The following FRMD4B variants were observed in gnomAD, a reference collection of about 807,000 sequenced individuals.
FRMD4B encodes FERM domain containing 4B, also known as FERM domain-containing protein 4B.
FRMD4B carries 74 observed loss-of-function variants against 141.5 expected under a neutral mutation model. That is an observed-to-expected ratio of 0.52 (90% CI 0.43 to 0.63). The LOEUF is 0.63. Ranked by LOEUF, FRMD4B falls within the 30% of genes least tolerant of loss-of-function variation. The pLI, the probability that FRMD4B is intolerant of heterozygous loss-of-function variation, is 0.00. For missense variants in FRMD4B, 1,366 were observed against 1,253.4 expected, an observed-to-expected ratio of 1.09 and a Z score of -1.36; for synonymous variants, 506 against 467.9, an observed-to-expected ratio of 1.08 and a Z score of -1.05.
At position 69,445,304 on chromosome 3, in the gene FRMD4B, A is replaced by T. The variant is rs537624595; in HGVS notation, c.-128-12543T>A. 3.9e-5 allele frequency among the ~76,000 whole-genome samples: 6 copies of T among 152,318 alleles called. No homozygotes were observed. The South Asian group carries it at 1.0e-3, about 26-fold the overall frequency. ...TTATAACCAGAGTTCACGTCACAGG[A>T]TATTTACAAATACTGCTATTCCAGT... is the stretch of plus-strand genomic sequence containing the variant. On this transcript the variant is annotated intron_variant, in intron 1 of 5. Transcript: ENST00000459638.
intron 1 of FRMD4B, among the ~76,000 whole-genome samples, chr3:69,332,742 A>ATTTT (rs58437578): frequency 4.4e-5 from 3 of 67,510 alleles, no homozygotes; most frequent in African/African-American, 6.3e-5. Flanking sequence ...ACACCTGGCT[A>ATTTT]TTTTTTTTTT....
chr3:69,514,624 G>T (rs1270554225), intron 1 of FRMD4B, among the ~76,000 whole-genome samples: 1 of 151,884 alleles, frequency 6.6e-6, no homozygotes, highest in African/African-American at 2.4e-5. Context: ...GGAGACAAAG[G>T]TTACAGTGAG....
intron 1 of FRMD4B, among the ~76,000 whole-genome samples, chr3:69,456,739 A>G (rs1288455512): frequency 6.6e-6 from 1 of 152,086 alleles, no homozygotes; most frequent in Non-Finnish European, 1.5e-5. Context: ...TTTGTAAAAA[A>G]AAAAAAAAAA....
Position 69,181,650 on chromosome 3 carries a change from G to A in FRMD4B, c.2100C>T (p.His700=), listed in dbSNP as rs9836305. 1,534,585 of 1,613,552 alleles carry A rather than the reference G, an allele frequency of 0.95. 738,266 individuals carry two copies. Among genetic ancestry groups the A allele is most frequent in the Non-Finnish European group, 0.99 (1,172,577 of 1,179,746 alleles). Residue 700 remains histidine (H), a synonymous_variant, in exon 21 of 23, where the codon CAC becomes CAT. Transcript: ENST00000398540. Reference sequence around the variant, plus strand: ...TATCGCTGTCCATCTCGGAGAGCAGGTGGGACTGGGACTCCAGGCTTCCAC... The same window carrying A: ...TATCGCTGTCCATCTCGGAGAGCAGATGGGACTGGGACTCCAGGCTTCCAC... ...QRSGSLESQS[H]LLSEMDSDKP... is the part of the protein sequence containing the mutation.
At chr3:69,344,625 C>T (rs911371286) in intron 1 of FRMD4B, among the ~76,000 whole-genome samples, 4 of 152,192 alleles carry the variant, frequency 2.6e-5, no homozygotes, top group South Asian at 2.1e-4. Flanking sequence ...AGCTCTCTCT[C>T]TCTCTTGTCT....
chr3:69,258,624 T>A (rs1262088544), intron 5 of FRMD4B, among the ~76,000 whole-genome samples: 4 of 152,230 alleles, frequency 2.6e-5, no homozygotes, highest in Non-Finnish European at 4.4e-5. Context: ...ATTACCCATA[T>A]GTGAAATGAG....
At chr3:69,394,722 GTT>G (rs1281424208) in intron 2 of FRMD4B, among the ~76,000 whole-genome samples, 2 of 152,182 alleles carry the variant, frequency 1.3e-5, no homozygotes, top group Non-Finnish European at 2.9e-5. Flanking sequence ...GCACACATAT[GTT>G]TATTGCAGTA....
In FRMD4B at chr3:69,245,355, T is replaced by TGTGTGTG. The variant is rs1350634069; in HGVS notation, c.581+3870_581+3871insCACACAC. 1.8e-3 allele frequency among the ~76,000 whole-genome samples: 261 copies of TGTGTGTG among 147,306 alleles called. 3 individuals are homozygous for TGTGTGTG. Among genetic ancestry groups the TGTGTGTG allele is most frequent in the African/African-American group, 5.8e-3 (230 of 39,582 alleles). On this transcript the variant is annotated intron_variant, in intron 7 of 22. Transcript: ENST00000398540. The stretch of plus-strand genomic sequence containing the variant: ...TGTGTGTGTGTGTGTGTGTGTGTGT[T>TGTGTGTG]TTTAGACAGAGTCTTGCTCTGTTGC...
intron 1 of FRMD4B, among the ~76,000 whole-genome samples, chr3:69,381,851 C>T (rs1704128031): frequency 6.6e-6 from 1 of 152,160 alleles, no homozygotes; most frequent in African/African-American, 2.4e-5. Context: ...AACATTTTGC[C>T]TTTCCTCCCT....
intron 1 of FRMD4B, among the ~76,000 whole-genome samples, chr3:69,468,141 T>C (rs1705825020): frequency 6.7e-6 from 1 of 148,610 alleles, no homozygotes; most frequent in South Asian, 2.1e-4. Flanking sequence ...TTTGCTTGGG[T>C]TATTTCTTTT....
intron 1 of FRMD4B, among the ~76,000 whole-genome samples, chr3:69,364,417 TG>T (rs1463744611): frequency 6.6e-6 from 1 of 152,212 alleles, no homozygotes; most frequent in Non-Finnish European, 1.5e-5. Flanking sequence ...GAAGGGAGAC[TG>T]GGTGCTAATG....
Position 69,221,863 on chromosome 3 carries a change from C to A in FRMD4B, c.726G>T (p.Val242=), listed in dbSNP as rs78919974. Residue 242 remains valine (V), a synonymous_variant, in exon 9 of 23, where the codon GTG becomes GTT. Coordinates refer to ENST00000398540, the MANE Select transcript of FRMD4B (RefSeq NM_015123.3). ...KIKGLTRGQA[V]VQYMKIVEAL... ...GCAAAAGGAAAGATACTTACTGAAC[C>A]ACAGCTTGACCTCGAGTGAGACCTT... 6.4e-4 allele frequency: 969 copies of A among 1,516,990 alleles called. 6 individuals carry two copies. The African/African-American group carries it at 0.012, about 19-fold the overall frequency. The allele number at this position is 1,516,990 out of a possible 1,614,324, so 94.0% of individuals were successfully genotyped here.
At chr3:69,393,324 A>C (rs1186429726) in intron 2 of FRMD4B, among the ~76,000 whole-genome samples, 4 of 112,672 alleles carry the variant, frequency 3.6e-5, no homozygotes, top group Non-Finnish European at 5.8e-5. Context: ...TTGTCTGAAG[A>C]AGTACAAAAA....
chr3:69,542,335 CT>C, exon 1 of FRMD4B: 1 of 153,698 alleles, frequency 6.5e-6, no homozygotes, highest in South Asian at 2.1e-4. Context: ...TGCGCTGTGC[CT>C]TCCCCGGCGG....
At chr3:69,483,968 C>G (rs949044518) in intron 1 of FRMD4B, among the ~76,000 whole-genome samples, 23 of 152,176 alleles carry the variant, frequency 1.5e-4, no homozygotes, top group Non-Finnish European at 1.2e-4. Context: ...TAAAATACAT[C>G]TTAGCTTGCT....
intron 1 of FRMD4B, among the ~76,000 whole-genome samples, chr3:69,371,155 G>A (rs1265016404): frequency 6.6e-6 from 1 of 152,092 alleles, no homozygotes; most frequent in Non-Finnish European, 1.5e-5. Flanking sequence ...CCTACAGGAA[G>A]TGATGGGGTA....
intron 1 of FRMD4B, among the ~76,000 whole-genome samples, chr3:69,443,967 G>T (rs1705374828): frequency 6.6e-6 from 1 of 152,094 alleles, no homozygotes; most frequent in Non-Finnish European, 1.5e-5. Context: ...ACCCAAGATT[G>T]GTCTTTTGAG....
chr3:69,418,153 A>G (rs1270319629), intron 2 of FRMD4B, among the ~76,000 whole-genome samples: 1 of 152,160 alleles, frequency 6.6e-6, no homozygotes, highest in African/African-American at 2.4e-5. Context: ...CAATTATTTA[A>G]CCTACTGAGG....
intron 4 of FRMD4B, among the ~76,000 whole-genome samples, chr3:69,298,983 C>T (rs1701122558): frequency 6.6e-6 from 1 of 151,832 alleles, no homozygotes; most frequent in Non-Finnish European, 1.5e-5. Context: ...GGGCCAGACA[C>T]ATAGCAGGAA....
Sources: gnomAD v4.1 joint callset for allele counts (sites outside exome capture counted in the v4.1 genomes callset) on GRCh38, gnomAD v4.1.1 for gene constraint, MANE v1.5 for transcripts, NCBI Gene and HGNC (gene_info 2026-07-23, HGNC 2026-07-21) for gene names.